The following CSMD1 variants were observed in gnomAD, a reference collection of about 807,000 sequenced individuals.
CSMD1 encodes CUB and Sushi multiple domains 1.
CSMD1 carries 213 observed loss-of-function variants against 417.5 expected under a neutral mutation model. The ratio of observed to expected loss-of-function variants is 0.51; its 90% confidence interval spans 0.46 to 0.57. CSMD1 has a LOEUF of 0.57. Among genes scored for constraint, CSMD1 ranks in the 20% least tolerant of loss-of-function variants. The pLI is 0.00. For missense variants in CSMD1, 6,923 were observed against 4,529.7 expected (o/e 1.53, Z -15.17); for synonymous variants, 2,862 against 1,736.8 (o/e 1.65, Z -16.11).
intron 2 of CSMD1, among the ~76,000 whole-genome samples, chr8:4,608,910 T>A (rs1349619879): frequency 1.3e-5 from 2 of 151,876 alleles, no homozygotes; most frequent in African/African-American, 4.8e-5. Context: ...TAAAAATGGA[T>A]CCAAAGTTAA....
intron 2 of CSMD1, among the ~76,000 whole-genome samples, chr8:4,548,807 C>G (rs1006313550): frequency 6.6e-6 from 1 of 152,110 alleles, no homozygotes; most frequent in Non-Finnish European, 1.5e-5. Context: ...ATGCAACAAC[C>G]TGATATATGG....
chr8:3,275,275 G>C (rs776354460), intron 26 of CSMD1, among the ~76,000 whole-genome samples: 1 of 152,180 alleles, frequency 6.6e-6, no homozygotes, highest in Non-Finnish European at 1.5e-5. Flanking sequence ...CTTCTGGCTT[G>C]TAGAGTTTCT....
chr8:4,300,331 AAAT>A (rs1797911878), intron 3 of CSMD1, among the ~76,000 whole-genome samples: 2 of 152,358 alleles, frequency 1.3e-5, no homozygotes, highest in South Asian at 2.1e-4. Context: ...GTTTGTGGAA[AAAT>A]AATATTAAAA....
intron 10 of CSMD1, among the ~76,000 whole-genome samples, chr8:3,519,755 G>A (rs953235341): frequency 3.3e-5 from 5 of 152,126 alleles, no homozygotes; most frequent in Admixed American, 3.3e-4. Flanking sequence ...TGTAAAGATA[G>A]AAAGTTGGCT....
rs552279767 is a variant in CSMD1, at chr8:3,286,166, T to A, written c.3951-1820A>T. Among the ~76,000 whole-genome samples the A allele has an allele frequency of 3.9e-5, 6 of 152,318 alleles. No homozygotes were observed. In the East Asian group the frequency reaches 1.2e-3, roughly 29 times the overall value. On this transcript the variant is annotated intron_variant, in intron 25 of 69. Coordinates refer to ENST00000635120, the MANE Select transcript of CSMD1 (RefSeq NM_033225.6). ...ACAAAGGACATGAACTCATACTTCTTTATGGCTGCATAGCATTCCATGGCG... is the reference window on the plus strand; with the variant it reads ...ACAAAGGACATGAACTCATACTTCTATATGGCTGCATAGCATTCCATGGCG...
intron 1 of CSMD1, among the ~76,000 whole-genome samples, chr8:4,802,701 C>T (rs1274856152): frequency 6.6e-6 from 1 of 152,006 alleles, no homozygotes; most frequent in East Asian, 1.9e-4. Context: ...GCTTTGTTTT[C>T]TTGTTTTGAT....
intron 8 of CSMD1, 143 bp from the exon 9 acceptor site, chr8:3,586,403 T>A: frequency 1.5e-6 from 1 of 676,006 alleles, no homozygotes; most frequent in South Asian, 2.7e-5. Flanking sequence ...TTAGGTAGTA[T>A]GTATAGAGGC....
chr8:3,567,982 T>G (rs1466190467), intron 10 of CSMD1, among the ~76,000 whole-genome samples: 12 of 152,174 alleles, frequency 7.9e-5, no homozygotes, highest in Non-Finnish European at 1.8e-4. Flanking sequence ...CATCCAGCAT[T>G]TGTGGGAATT....
At chr8:3,410,346 G>A (rs145253513) in intron 12 of CSMD1, among the ~76,000 whole-genome samples, 190 of 152,238 alleles carry the variant, frequency 1.2e-3, no homozygotes, top group African/African-American at 4.3e-3. Flanking sequence ...CAAAATCCTC[G>A]CACACATGGG....
At chr8:4,772,434 A>G (rs960679947) in intron 1 of CSMD1, among the ~76,000 whole-genome samples, 2 of 152,156 alleles carry the variant, frequency 1.3e-5, no homozygotes, top group South Asian at 4.2e-4. Context: ...TCCCTATTTT[A>G]AGGCCTATAG....
At chr8:4,447,717 A>C (rs889004648) in intron 2 of CSMD1, among the ~76,000 whole-genome samples, 3 of 152,184 alleles carry the variant, frequency 2.0e-5, no homozygotes, top group Non-Finnish European at 4.4e-5. Context: ...AGTTAATAAA[A>C]CCAAAATTAA....
chr8:3,644,164 A>T (rs564992751), intron 7 of CSMD1, among the ~76,000 whole-genome samples: 5 of 152,214 alleles, frequency 3.3e-5, no homozygotes, highest in African/African-American at 1.2e-4. Context: ...TAGGCCCCCA[A>T]TGTAGACTTA....
Position 4,388,825 on chromosome 8 carries a change from C to T in CSMD1, c.415+31128G>A, listed in dbSNP as rs185878679. The stretch of plus-strand genomic sequence containing the variant: ...ACCTCTGGACCCAGCACTGAATAAT[C>T]CTGCCTTCCCTTTGATTTAAAAACC... On this transcript the variant is annotated intron_variant, in intron 3 of 69. Transcript: ENST00000635120. Among the ~76,000 whole-genome samples the T allele has an allele frequency of 2.5e-3, 387 of 152,296 alleles. 2 individuals carry two copies. The highest frequency in any genetic ancestry group is 4.5e-3 in the Non-Finnish European group (306 of 68,020).
At chr8:3,257,588 A>T (rs896497829) in intron 26 of CSMD1, among the ~76,000 whole-genome samples, 2 of 152,254 alleles carry the variant, frequency 1.3e-5, no homozygotes, top group East Asian at 1.9e-4. Flanking sequence ...CTGGTCATGG[A>T]AGTTCCCCTG....
At chr8:3,291,563 A>G (rs1022631819) in intron 25 of CSMD1, among the ~76,000 whole-genome samples, 2 of 152,148 alleles carry the variant, frequency 1.3e-5, no homozygotes, top group Non-Finnish European at 2.9e-5. Context: ...GGGAGGATGT[A>G]TGTGTCGAGG....
At chr8:3,352,977 C>G (rs78008242) in intron 21 of CSMD1, among the ~76,000 whole-genome samples, 7,271 of 152,214 alleles carry the variant, frequency 0.048, 211 homozygotes, top group East Asian at 0.14. Flanking sequence ...AAAACTGAGG[C>G]ACAATGACAC....
intron 3 of CSMD1, among the ~76,000 whole-genome samples, chr8:4,121,036 C>G (rs1321806242): frequency 1.3e-5 from 2 of 152,044 alleles, no homozygotes; most frequent in Non-Finnish European, 2.9e-5. Flanking sequence ...GTTTAGTAGT[C>G]CAGGAACAAA....
In CSMD1 at chr8:4,390,497, T is replaced by TTTTATTTA. The variant is rs142679522; in HGVS notation, c.415+29448_415+29455dup. 2.6e-3 allele frequency among the ~76,000 whole-genome samples: 365 copies of TTTTATTTA among 140,360 alleles called. 3 individuals are homozygous for TTTTATTTA. The highest frequency in any genetic ancestry group is 4.8e-3 in the Admixed American group (68 of 14,026). 92.1% of individuals were successfully genotyped at this position (140,360 alleles called of 152,430 possible). A position where few individuals can be genotyped will look rare whatever the true frequency, so the allele number is the denominator to read the frequency against. On this transcript the variant is annotated intron_variant, in intron 3 of 69. Transcript: ENST00000635120. The stretch of plus-strand genomic sequence containing the variant: ...AACTGTTACCCACAGAAGCGTCCAT[T>TTTTATTTA]TTTATTTATTTATTTATTTATTTAT...
chr8:3,040,824 T>G (rs1435033484), intron 50 of CSMD1, among the ~76,000 whole-genome samples: 1 of 152,112 alleles, frequency 6.6e-6, no homozygotes, highest in Non-Finnish European at 1.5e-5. Context: ...AATAAGATTA[T>G]AAATTAATAG....
Sources: gnomAD v4.1 joint callset for allele counts (sites outside exome capture counted in the v4.1 genomes callset) on GRCh38, gnomAD v4.1.1 for gene constraint, MANE v1.5 for transcripts, NCBI Gene and HGNC (gene_info 2026-07-23, HGNC 2026-07-21) for gene names.